ABCC1: variants seen among roughly 807,000 people sequenced by gnomAD.
The protein encoded by ABCC1 is multidrug resistance-associated protein 1.
ABCC1 carries 83 observed loss-of-function variants against 172.9 expected under a neutral mutation model. That is an observed-to-expected ratio of 0.48 (90% CI 0.40 to 0.58). ABCC1 has a LOEUF of 0.58. Among genes scored for constraint, ABCC1 ranks in the 20% least tolerant of loss-of-function variants. The pLI, the probability that ABCC1 is intolerant of heterozygous loss-of-function variation, is 0.00. For synonymous variants in ABCC1, 937 were observed against 825.2 expected (o/e 1.14, Z -2.32); for missense variants, 1,817 against 2,002.7 (o/e 0.91, Z 1.77).
intron 1 of ABCC1, among the ~76,000 whole-genome samples, chr16:15,959,677 A>G (rs1349838701): frequency 4.6e-5 from 7 of 152,154 alleles, no homozygotes; most frequent in Non-Finnish European, 1.0e-4. Context: ...CTTCATTTTA[A>G]AGTGCCCCAG....
chr16:16,126,450 C>T (rs2045440382), intron 26 of ABCC1, among the ~76,000 whole-genome samples: 1 of 152,180 alleles, frequency 6.6e-6, no homozygotes, highest in Admixed American at 6.5e-5. Flanking sequence ...GTGGCACAAT[C>T]TCGGCTCACT....
At chr16:16,027,527 T>C (rs1231278216) in intron 5 of ABCC1, among the ~76,000 whole-genome samples, 1 of 152,128 alleles carries the variant, frequency 6.6e-6, no homozygotes, top group Non-Finnish European at 1.5e-5. Context: ...AAAAATGGTA[T>C]ATAGGTTGGG....
At chr16:16,108,291 T>A (rs1369866647) in intron 21 of ABCC1, among the ~76,000 whole-genome samples, 4 of 128,234 alleles carry the variant, frequency 3.1e-5, no homozygotes, top group Non-Finnish European at 6.7e-5. Flanking sequence ...TTTTTTTTTT[T>A]TTTTTTGAGA....
intron 1 of ABCC1, among the ~76,000 whole-genome samples, chr16:15,991,787 CT>C (rs1414379238): frequency 6.6e-6 from 1 of 152,128 alleles, no homozygotes; most frequent in Admixed American, 6.5e-5. Context: ...CTGCAGTGGC[CT>C]TGAACCATGC....
intron 21 of ABCC1, among the ~76,000 whole-genome samples, chr16:16,110,833 G>C (rs921292285): frequency 6.6e-6 from 1 of 152,174 alleles, no homozygotes; most frequent in African/African-American, 2.4e-5. Context: ...GCATTTATCT[G>C]GGATGATTTT....
chr16:16,134,628 T>TAA, intron 28 of ABCC1, 120 bp downstream of exon 28: 1 of 36,878 alleles, frequency 2.7e-5, no homozygotes, highest in Non-Finnish European at 3.7e-5. Context: ...CATCGTTCTT[T>TAA]TTTTTTTTTT....
chr16:15,999,809 C>CTCTCTCTCTCTCTCTCTCTCACCT, intron 1 of ABCC1, among the ~76,000 whole-genome samples: 1 of 8,376 alleles, frequency 1.2e-4, no homozygotes, highest in Non-Finnish European at 3.1e-4. Flanking sequence ...CTCTCTCTCT[C>CTCTCTCTCTCTCTCTCTCTCACCT]CTCTCTCTCT....
chr16:15,998,176 CCTG>C (rs77677625), intron 1 of ABCC1, among the ~76,000 whole-genome samples: 125,803 of 151,228 alleles, frequency 0.83, 52,495 homozygotes, highest in Non-Finnish European at 0.87. Context: ...GGCTGGAGTG[CCTG>C]GGTGGGACGA....
intron 28 of ABCC1, among the ~76,000 whole-genome samples, chr16:16,135,160 G>T (rs908944629): frequency 6.6e-6 from 1 of 152,180 alleles, no homozygotes; most frequent in African/African-American, 2.4e-5. Flanking sequence ...AGCTAGACAA[G>T]AAATAAGACT....
At chr16:16,081,434 T>C (rs76246195) in intron 16 of ABCC1, among the ~76,000 whole-genome samples, 2,410 of 152,332 alleles carry the variant, frequency 0.016, 59 homozygotes, top group African/African-American at 0.055. Context: ...CCTGGCACTA[T>C]TAGCATTTCA....
chr16:15,985,534 T>A (rs1176917749), intron 1 of ABCC1, among the ~76,000 whole-genome samples: 1 of 152,164 alleles, frequency 6.6e-6, no homozygotes, highest in East Asian at 1.9e-4. Flanking sequence ...ATCTTCCGCC[T>A]CCTGGGTTCA....
chr16:16,099,734 C>A (rs938204592), intron 19 of ABCC1, among the ~76,000 whole-genome samples: 2 of 152,122 alleles, frequency 1.3e-5, no homozygotes, highest in African/African-American at 4.8e-5. Flanking sequence ...ATCTGAGGCA[C>A]CCTGATTGAC....
At chr16:16,091,144 G>A (rs867858406) in intron 19 of ABCC1, among the ~76,000 whole-genome samples, 11 of 151,950 alleles carry the variant, frequency 7.2e-5, no homozygotes, top group Non-Finnish European at 1.5e-4. Flanking sequence ...AGTTCAGCAG[G>A]GCCAGACGTG....
chr16:16,055,285 G>C (rs2049600448), intron 11 of ABCC1, among the ~76,000 whole-genome samples: 1 of 152,088 alleles, frequency 6.6e-6, no homozygotes, highest in Admixed American at 6.6e-5. Flanking sequence ...GGGTGCGGTG[G>C]CTCACACCTG....
In ABCC1 at chr16:16,125,562, G is replaced by A. The variant is rs1300144908; in HGVS notation, c.3718-248G>A. The stretch of plus-strand genomic sequence containing the variant: ...TTCTGCCTCAGCCTCCCAAATAGCT[G>A]GGTTTACAGGTGTGCGTCACCATGC... On this transcript the variant is annotated intron_variant, in intron 25 of 30. Coordinates refer to ENST00000399410, the MANE Select transcript of ABCC1 (RefSeq NM_004996.4). Among the ~76,000 whole-genome samples, 3 of 151,866 alleles carry A rather than the reference G, an allele frequency of 2.0e-5. No homozygotes were observed. The East Asian group carries it at 5.8e-4, about 29-fold the overall frequency.
chr16:16,108,926 C>T (rs2052265597), intron 21 of ABCC1, among the ~76,000 whole-genome samples: 1 of 152,006 alleles, frequency 6.6e-6, no homozygotes, highest in East Asian at 1.9e-4. Flanking sequence ...GAGCCCACCA[C>T]ATTCCACTAC....
At chr16:16,013,267 CAT>C (rs1491150861) in intron 3 of ABCC1, among the ~76,000 whole-genome samples, 53 of 120,506 alleles carry the variant, frequency 4.4e-4, no homozygotes, top group African/African-American at 1.4e-3. Context: ...GCAGCCAGCA[CAT>C]GTTTTTTTTT....
chr16:15,971,972 G>C (rs1234859720), intron 1 of ABCC1, among the ~76,000 whole-genome samples: 2 of 152,138 alleles, frequency 1.3e-5, no homozygotes, highest in Admixed American at 1.3e-4. Context: ...AAAGCTGAGA[G>C]ACGGAACCTC....
chr16:16,055,082 G>T (rs941855120), intron 11 of ABCC1, among the ~76,000 whole-genome samples: 1 of 152,120 alleles, frequency 6.6e-6, no homozygotes, highest in Admixed American at 6.6e-5. Flanking sequence ...ATACAAAAAT[G>T]AACTGGGTGT....
Sources: gnomAD v4.1 joint callset for allele counts (sites outside exome capture counted in the v4.1 genomes callset) on GRCh38, gnomAD v4.1.1 for gene constraint, MANE v1.5 for transcripts, NCBI Gene and HGNC (gene_info 2026-07-23, HGNC 2026-07-21) for gene names.